SPTBN1: variants seen among roughly 807,000 people sequenced by gnomAD.
SPTBN1 encodes the protein spectrin beta chain, non-erythrocytic 1.
In SPTBN1, 32 loss-of-function variants were observed where a neutral mutation model predicts 266.4. The observed-to-expected ratio is 0.12, with a 90% CI of 0.09 to 0.16. The LOEUF is 0.16. SPTBN1 is among the 10% of genes least tolerant of loss of function. The pLI is 1.00. For missense variants in SPTBN1, 2,296 were observed against 3,067.1 expected (o/e 0.75, Z 5.94); for synonymous variants, 1,336 against 1,162.2 (o/e 1.15, Z -3.04).
chr2:54,504,669 C>T, intron 1 of SPTBN1, among the ~76,000 whole-genome samples: 1 of 152,230 alleles, frequency 6.6e-6, no homozygotes, highest in Non-Finnish European at 1.5e-5. Flanking sequence ...TATAAGGGAC[C>T]TGAGCGTCCA....
At chr2:54,507,964 A>G (rs1669662951) in intron 1 of SPTBN1, among the ~76,000 whole-genome samples, 1 of 152,186 alleles carries the variant, frequency 6.6e-6, no homozygotes, top group Admixed American at 6.5e-5. Context: ...AGAGGGTGGC[A>G]TAAGAACGGG....
chr2:54,478,812 T>TAA (rs1667969207), intron 1 of SPTBN1, among the ~76,000 whole-genome samples: 1 of 152,210 alleles, frequency 6.6e-6, no homozygotes, highest in Non-Finnish European at 1.5e-5. Flanking sequence ...CATGAATGGT[T>TAA]AAACATTTGC....
At position 54,612,156 on chromosome 2, in the gene SPTBN1, T is replaced by A. The variant is rs771639031; in HGVS notation, c.301-5T>A. On this transcript the variant is annotated splice_polypyrimidine_tract_variant and splice_region_variant and intron_variant, in intron 3 of 35. Coordinates refer to ENST00000356805, the MANE Select transcript of SPTBN1 (RefSeq NM_003128.3). Reference sequence around the variant, plus strand: ...GTGTCTCTACCTCTGCTCTCCTGTTTCTAGCCTAAACCCACCAAGGGACGA... The same window carrying A: ...GTGTCTCTACCTCTGCTCTCCTGTTACTAGCCTAAACCCACCAAGGGACGA... The A allele has an allele frequency of 2.5e-6, 4 of 1,585,520 alleles. No individual in the cohort carries two copies. The East Asian group carries it at 9.0e-5, about 36-fold the overall frequency.
chr2:54,558,897 C>A lies in SPTBN1; in HGVS notation c.148+32331C>A, dbSNP rs374277736. ...TTCAAGCAGCTGCAAGGTAAGCCCC[C>A]TCCCAAAGGCCGGGCCTGTCCTGGG... On this transcript the variant is annotated intron_variant, in intron 2 of 35. Transcript: ENST00000356805. The surrounding 1 kb of genome is among the most constrained non-coding windows in gnomAD (Gnocchi z 4.6). The A allele has an allele frequency of 1.6e-4, 253 of 1,612,108 alleles. No homozygotes were observed. Among genetic ancestry groups the A allele is most frequent in the Middle Eastern group, 9.9e-4 (6 of 6,052 alleles).
At chr2:54,546,565 TAA>T (rs1384418034) in intron 2 of SPTBN1, 1 of 152,180 alleles carries the variant, frequency 6.6e-6, no homozygotes, top group Non-Finnish European at 1.5e-5. Flanking sequence ...GACTGAAAAA[TAA>T]AGTTTTTGAA....
intron 3 of SPTBN1, among the ~76,000 whole-genome samples, chr2:54,607,321 C>G (rs955696102): frequency 1.3e-5 from 2 of 152,156 alleles, no homozygotes; most frequent in Non-Finnish European, 2.9e-5. Flanking sequence ...ATAATATAGC[C>G]ATGATTTAAA....
chr2:54,576,302 C>T (rs915051809), intron 2 of SPTBN1, among the ~76,000 whole-genome samples: 7 of 152,176 alleles, frequency 4.6e-5, no homozygotes, highest in Admixed American at 4.6e-4. Context: ...GATCCACCCA[C>T]CTCGGCCTCC....
intron 26 of SPTBN1, among the ~76,000 whole-genome samples, chr2:54,652,171 G>A (rs1680344517): frequency 6.6e-6 from 1 of 152,118 alleles, no homozygotes; most frequent in African/African-American, 2.4e-5. Flanking sequence ...CCTTTAATTA[G>A]ACATTGTACA....
chr2:54,466,692 AT>A (rs894278567), intron 1 of SPTBN1, among the ~76,000 whole-genome samples: 7 of 148,156 alleles, frequency 4.7e-5, no homozygotes, highest in South Asian at 4.4e-4. Context: ...ATCTCTGTAT[AT>A]TTTTTTCTCC....
chr2:54,635,977 A>G (rs947288405), intron 17 of SPTBN1, among the ~76,000 whole-genome samples: 1 of 152,226 alleles, frequency 6.6e-6, no homozygotes, highest in African/African-American at 2.4e-5. Context: ...CTGATGATAG[A>G]TGGCAATGGC....
intron 2 of SPTBN1, among the ~76,000 whole-genome samples, chr2:54,561,707 T>A (rs1157142991): frequency 6.8e-6 from 1 of 147,902 alleles, no homozygotes; most frequent in African/African-American, 2.5e-5. Context: ...AATTTATAGT[T>A]TAAATATAGT....
intron 29 of SPTBN1, among the ~76,000 whole-genome samples, chr2:54,656,937 T>C (rs3769331): frequency 0.16 from 24,747 of 151,966 alleles, 3,851 homozygotes; most frequent in African/African-American, 0.4. Flanking sequence ...AGCCAGTAAG[T>C]CCCTAGTGCA....
At chr2:54,612,443 A>C (rs533056437) in intron 4 of SPTBN1, 109 bp downstream of exon 4, 19 of 1,286,986 alleles carry the variant, frequency 1.5e-5, no homozygotes, top group Non-Finnish European at 1.8e-5. Context: ...GACCAGGTTG[A>C]AAGCATGTCT....
At chr2:54,511,465 G>A (rs143954374) in intron 1 of SPTBN1, among the ~76,000 whole-genome samples, 4 of 152,146 alleles carry the variant, frequency 2.6e-5, no homozygotes, top group South Asian at 4.1e-4. Context: ...GACTAGTTTC[G>A]TGGAAGACAG....
chr2:54,644,861 T>C (rs905833362), intron 20 of SPTBN1, among the ~76,000 whole-genome samples: 2 of 152,250 alleles, frequency 1.3e-5, no homozygotes, highest in African/African-American at 4.8e-5. Context: ...TATCACCGTT[T>C]AACAGTTAAA....
At chr2:54,643,518 C>A (rs185172414) in intron 19 of SPTBN1, among the ~76,000 whole-genome samples, 5 of 152,014 alleles carry the variant, frequency 3.3e-5, no homozygotes, top group African/African-American at 1.2e-4. Context: ...TTTAAAATTG[C>A]TTTTTCCTAT....
At chr2:54,510,733 G>A (rs1441295281) in intron 1 of SPTBN1, among the ~76,000 whole-genome samples, 1 of 152,228 alleles carries the variant, frequency 6.6e-6, no homozygotes, top group Non-Finnish European at 1.5e-5. Context: ...GTTGAAAAAT[G>A]CAGTTTCAAA....
chr2:54,508,699 A>G (rs567101969), intron 1 of SPTBN1, among the ~76,000 whole-genome samples: 1 of 152,272 alleles, frequency 6.6e-6, no homozygotes, highest in East Asian at 1.9e-4. Flanking sequence ...GGGAGTGGCC[A>G]GATGAGAAGG....
At position 54,650,444 on chromosome 2, in the gene SPTBN1, A is replaced by C. The variant is rs150158056; in HGVS notation, c.5577+455A>C. On this transcript the variant is annotated intron_variant, in intron 26 of 35. Transcript: ENST00000356805. ...GACTGGCACTAAGACTTTGTTTAAA[A>C]GATGTTTGACAAAGTAGTAACAATA... is the stretch of plus-strand genomic sequence containing the variant. Among the ~76,000 whole-genome samples, 433 of 152,326 alleles carry C rather than the reference A, an allele frequency of 2.8e-3. 2 individuals carry two copies. The highest frequency in any genetic ancestry group is 0.01 in the Middle Eastern group (3 of 294).
Sources: allele counts gnomAD v4.1 joint callset (sites outside exome capture counted in the v4.1 genomes callset), GRCh38; gene constraint gnomAD v4.1.1; non-coding constraint Gnocchi (gnomAD v3.1); transcripts MANE v1.5; gene names NCBI Gene and HGNC (gene_info 2026-07-23, HGNC 2026-07-21).